RNF25: variants seen among roughly 807,000 people sequenced by gnomAD.
RNF25 encodes ring finger protein 25.
A neutral mutation model predicts 65.0 loss-of-function variants in RNF25; 32 were observed. That is an observed-to-expected ratio of 0.49 (90% confidence interval 0.37 to 0.66). RNF25 has a LOEUF of 0.66. Among genes scored for constraint, RNF25 ranks in the 30% least tolerant of loss-of-function variants. The pLI is 0.00. For synonymous variants in RNF25, 207 were observed against 221.2 expected (o/e 0.94, Z 0.57); for missense variants, 493 against 584.8 (o/e 0.84, Z 1.62).
intron 1 of RNF25, among the ~76,000 whole-genome samples, chr2:218,671,647 G>A (rs759633896): frequency 6.6e-6 from 1 of 152,180 alleles, no homozygotes; most frequent in Non-Finnish European, 1.5e-5. Context: ...TTCATTTGAG[G>A]AGGAGAGAAA....
In RNF25 at chr2:218,665,158, G is replaced by C. The variant is rs2303564; in HGVS notation, c.663C>G (p.Pro221=). Residue 221 remains proline, a synonymous_variant, in exon 8 of 10, where the codon CCC becomes CCG. Transcript: ENST00000295704. The part of the protein sequence containing the change: ...SLKAAPEPQQ[P]MELYQPSAES... ...GATTGGAAAAAAGTCTCCTTACCAT[G>C]GGCTGTTGGGGTTCAGGGGCTGCTT... is the stretch of plus-strand genomic sequence containing the variant. The C allele has an allele frequency of 5.0e-6, 8 of 1,613,816 alleles. No individual in the cohort carries two copies. Among genetic ancestry groups the C allele is most frequent in the Non-Finnish European group, 6.8e-6 (8 of 1,179,860 alleles).
intron 7 of RNF25, 79 bp from the exon 8 acceptor site, chr2:218,665,326 G>A (rs984953131): frequency 1.0e-5 from 13 of 1,293,526 alleles, no homozygotes; most frequent in Admixed American, 8.1e-5. Flanking sequence ...AACCTAATCT[G>A]CAGAGGGCTG....
chr2:218,669,604 G>A (rs1041739766), intron 1 of RNF25, among the ~76,000 whole-genome samples: 6 of 152,160 alleles, frequency 3.9e-5, no homozygotes, highest in African/African-American at 1.4e-4. Flanking sequence ...ACATACTTAA[G>A]CATAGAAACA....
intron 1 of RNF25, among the ~76,000 whole-genome samples, chr2:218,669,494 A>C (rs757897808): frequency 2.6e-5 from 4 of 152,194 alleles, no homozygotes; most frequent in Non-Finnish European, 5.9e-5. Context: ...GGAAGGAGGT[A>C]ATAGAGTACT....
intron 1 of RNF25, among the ~76,000 whole-genome samples, chr2:218,671,474 C>T (rs1225303285): frequency 6.6e-6 from 1 of 152,088 alleles, no homozygotes; most frequent in African/African-American, 2.4e-5. Flanking sequence ...ATACAATAGT[C>T]CTCACTAGTG....
chr2:218,669,286 G>A (rs1939899270), intron 1 of RNF25, among the ~76,000 whole-genome samples: 1 of 152,208 alleles, frequency 6.6e-6, no homozygotes, highest in African/African-American at 2.4e-5. Flanking sequence ...TGCAATCTGG[G>A]ACGTGACCTC....
chr2:218,666,150 G>C lies in RNF25; in HGVS notation c.429+9C>G. On this transcript the variant is annotated intron_variant, in intron 6 of 9. Transcript: ENST00000295704. ...AAACAGAATGCCAGGTCCCAAGAGA[G>C]AAACCCACCTGGAAACCATAGAGGC... The C allele has an allele frequency of 6.2e-7, 1 of 1,613,882 alleles. No individual in the cohort carries two copies. The highest frequency in any genetic ancestry group is 8.5e-7 in the Non-Finnish European group (1 of 1,179,788).
At chr2:218,669,212 G>A (rs1488180596) in intron 1 of RNF25, among the ~76,000 whole-genome samples, 2 of 152,242 alleles carry the variant, frequency 1.3e-5, no homozygotes, top group African/African-American at 4.8e-5. Flanking sequence ...TATAAAGGCT[G>A]TGTTGTAATG....
Position 218,671,280 on chromosome 2 carries a change from A to T in RNF25, c.41+650T>A, listed in dbSNP as rs193044839. Among the ~76,000 whole-genome samples the T allele has an allele frequency of 5.3e-5, 8 of 151,546 alleles. No homozygotes were observed. The East Asian group carries it at 1.5e-3, about 29-fold the overall frequency. ...TGCCACACCCACTTTTTTTTTTTAC[A>T]GCTGAGGACACTGACTCACAGAAGC... On this transcript the variant is annotated intron_variant, in intron 1 of 9. Transcript: ENST00000295704.
chr2:218,665,181 C>G lies in RNF25; in HGVS notation c.640G>C (p.Ala214Pro). 1 of 1,614,208 alleles carries G rather than the reference C, an allele frequency of 6.2e-7. No homozygotes were observed. The highest frequency in any genetic ancestry group is 8.5e-7 in the Non-Finnish European group (1 of 1,180,030). The change falls in exon 8 of 10, where the codon GCA (alanine) becomes CCA (proline). Residue 214 changes from alanine (A) to proline (P), a missense_variant. By Grantham distance (27) the Ala-to-Pro change is conservative (BLOSUM62 -1). Coordinates refer to ENST00000295704, the MANE Select transcript of RNF25 (RefSeq NM_022453.3). ...PLVYDLASLK[A>P]APEPQQPMEL... Reference sequence around the variant, plus strand: ...ATGGGCTGTTGGGGTTCAGGGGCTGCTTTCAGTGAGGCAAGATCATACACG... The same window carrying G: ...ATGGGCTGTTGGGGTTCAGGGGCTGGTTTCAGTGAGGCAAGATCATACACG...
At position 218,664,433 on chromosome 2, in the gene RNF25, A is replaced by G. The variant is rs1939772094; in HGVS notation, c.904T>C (p.Ser302Pro). The part of the protein sequence containing the change: ...AELSTSPAVQ[S>P]TLPPPLPVAT... ...ACAGGCAGAGGAGGTGGCAAAGTGG[A>G]TTGGACGGCTGGTGAGGTGGATAGT... is the stretch of plus-strand genomic sequence containing the variant. Residue 302 changes from serine (S) to proline (P), a missense_variant, in exon 10 of 10, where the codon TCC (serine) becomes CCC (proline). Physicochemically the swap from Ser to Pro is moderately conservative, Grantham distance 74. Coordinates refer to ENST00000295704, the MANE Select transcript of RNF25 (RefSeq NM_022453.3). This position sits in a 1 kb window ranked among gnomAD's most constrained non-coding sequence, Gnocchi z 5.1. 1.2e-6 allele frequency: 2 copies of G among 1,614,026 alleles called. No homozygotes were observed. Among genetic ancestry groups the G allele is most frequent in the African/African-American group, 2.7e-5 (2 of 74,906 alleles).
At position 218,665,155 on chromosome 2, in the gene RNF25, C is replaced by T. The variant is rs1222430014; in HGVS notation, c.666G>A (p.Met222Ile). The T allele has an allele frequency of 6.2e-7, 1 of 1,614,124 alleles. No individual in the cohort carries two copies. The highest frequency in any genetic ancestry group is 1.7e-5 in the Admixed American group (1 of 60,016). The change falls in exon 8 of 10, where the codon ATG becomes ATA. Residue 222 changes from methionine (M) to isoleucine (I), a missense_variant and splice_region_variant. Physicochemically the swap from Met to Ile is conservative, Grantham distance 10. Around this residue, in one of 3 missense-constraint regions of RNF25, gnomAD observed 351 missense variants for 400.2 expected, o/e 0.88. Coordinates refer to ENST00000295704, the MANE Select transcript of RNF25 (RefSeq NM_022453.3). ...TCAGATTGGAAAAAAGTCTCCTTACCATGGGCTGTTGGGGTTCAGGGGCTG... is the reference window on the plus strand; with the variant it reads ...TCAGATTGGAAAAAAGTCTCCTTACTATGGGCTGTTGGGGTTCAGGGGCTG... ...LKAAPEPQQP[M>I]ELYQPSAESL...
In RNF25 at chr2:218,668,442, T is replaced by C. The variant is rs72962095; in HGVS notation, c.117-101A>G. The C allele has an allele frequency of 0.024, 23,532 of 999,296 alleles. 373 individuals are homozygous for C. The highest frequency in any genetic ancestry group is 0.031 in the Non-Finnish European group (19,540 of 631,112). The allele number at this position is 999,296 out of a possible 1,614,324, so 61.9% of individuals were successfully genotyped here. On this transcript the variant is annotated intron_variant, in intron 2 of 9. Transcript: ENST00000295704. Reference sequence around the variant, plus strand: ...GTGAAGTGGGCAAAGGAAGTACACATTGGACTCTTTCTTTTGGGGTAGGAT... The same window carrying C: ...GTGAAGTGGGCAAAGGAAGTACACACTGGACTCTTTCTTTTGGGGTAGGAT...
chr2:218,664,295 G>A lies in RNF25; in HGVS notation c.1042C>T (p.Arg348Ter), dbSNP rs745533365. 4 of 1,610,708 alleles carry A rather than the reference G, an allele frequency of 2.5e-6. No homozygotes were observed. Among genetic ancestry groups the A allele is most frequent in the South Asian group, 1.1e-5 (1 of 90,958 alleles). Residue 348 changes from arginine to a stop codon, truncating the protein, a stop_gained, in exon 10 of 10, where the codon CGA (arginine) becomes TGA (stop). Transcript: ENST00000295704. LOFTEE classifies it high-confidence loss of function. The surrounding 1 kb of genome is among the most constrained non-coding windows in gnomAD (Gnocchi z 5.1). ...DPPKPSRGPW[R>*]QPERRHPKGG... Reference sequence around the variant, plus strand: ...TTTGGGTGCCTCCGTTCGGGCTGTCGCCAGGGACCTCGACTGGGCTTGGGG... The same window carrying A: ...TTTGGGTGCCTCCGTTCGGGCTGTCACCAGGGACCTCGACTGGGCTTGGGG...
chr2:218,666,120 G>A (rs1939821619), intron 6 of RNF25, 39 bp downstream of exon 6: 1 of 1,611,580 alleles, frequency 6.2e-7, no homozygotes, highest in Admixed American at 1.7e-5. Flanking sequence ...TCATCTGCTG[G>A]TCCCAAACAG....
chr2:218,665,025 G>C (rs1434733915), intron 8 of RNF25, 130 bp downstream of exon 8: 1 of 1,433,980 alleles, frequency 7.0e-7, no homozygotes, highest in Non-Finnish European at 9.6e-7. Context: ...GGGGGATGTG[G>C]CTTTGCAGAG....
rs12620645 is a variant in RNF25, at chr2:218,671,536, C to T, written c.41+394G>A. On this transcript the variant is annotated intron_variant, in intron 1 of 9. Coordinates refer to ENST00000295704, the MANE Select transcript of RNF25 (RefSeq NM_022453.3). ...AAGCGTCGGCGGAAAAAGGCTGATC[C>T]AAGGGGAAAGGGGGCCGGAACTGGA... Among the ~76,000 whole-genome samples, 7 of 152,212 alleles carry T rather than the reference C, an allele frequency of 4.6e-5. No individual in the cohort carries two copies. The East Asian group carries it at 1.4e-3, about 29-fold the overall frequency.
intron 1 of RNF25, among the ~76,000 whole-genome samples, chr2:218,671,348 T>C (rs1939962491): frequency 6.6e-6 from 1 of 152,030 alleles, no homozygotes; most frequent in African/African-American, 2.4e-5. Flanking sequence ...AAATGTGGAG[T>C]TAACCCACAT....
At position 218,667,901 on chromosome 2, in the gene RNF25, G is replaced by C. The variant is rs560002449; in HGVS notation, c.357+11C>G. 6.2e-6 allele frequency: 10 copies of C among 1,611,884 alleles called. No homozygotes were observed. The highest frequency in any genetic ancestry group is 8.5e-6 in the Non-Finnish European group (10 of 1,178,362). Reference sequence around the variant, plus strand: ...AGGAAAGAACATATCTCAGACTAGCGCACCTCTTACCTCAATGAGTTCATA... The same window carrying C: ...AGGAAAGAACATATCTCAGACTAGCCCACCTCTTACCTCAATGAGTTCATA... On this transcript the variant is annotated intron_variant, in intron 5 of 9. Coordinates refer to ENST00000295704, the MANE Select transcript of RNF25 (RefSeq NM_022453.3).
Sources: allele counts gnomAD v4.1 joint callset (sites outside exome capture counted in the v4.1 genomes callset), GRCh38; gene constraint gnomAD v4.1.1; regional missense constraint gnomAD v4.1.1; non-coding constraint Gnocchi (gnomAD v3.1); transcripts MANE v1.5; gene names NCBI Gene and HGNC (gene_info 2026-07-23, HGNC 2026-07-21).